CHM: variants seen among roughly 807,000 people sequenced by gnomAD.
CHM encodes rab proteins geranylgeranyltransferase component A 1.
Under a neutral mutation model 49.0 loss-of-function variants are expected in CHM, and 10 were observed. The observed-to-expected ratio is 0.20, with a 90% confidence interval of 0.13 to 0.35. The LOEUF is 0.35. Among genes scored for constraint, CHM ranks in the 10% least tolerant of loss-of-function variants. CHM has a pLI of 1.00. For synonymous variants in CHM, 184 were observed against 167.5 expected, an observed-to-expected ratio of 1.10 and a Z score of -0.76; for missense variants, 455 against 478.4, an observed-to-expected ratio of 0.95 and a Z score of 0.46.
At chrX:85,929,617 C>T (rs991917835) in intron 8 of CHM, among the ~76,000 whole-genome samples, 2 of 111,924 alleles carry the variant, frequency 1.8e-5, no homozygotes, top group Non-Finnish European at 3.8e-5. Context: ...TAAATGAATC[C>T]TAATTTTTAT....
intron 8 of CHM, among the ~76,000 whole-genome samples, chrX:85,916,519 C>T (rs896639761): frequency 3.6e-5 from 4 of 111,729 alleles, no homozygotes; most frequent in African/African-American, 1.3e-4. Flanking sequence ...AGCCAACCTA[C>T]AGAATGGGAG....
chrX:85,984,372 C>T (rs1931796514), intron 2 of CHM, among the ~76,000 whole-genome samples: 1 of 111,030 alleles, frequency 9.0e-6, no homozygotes, highest in Non-Finnish European at 1.9e-5. Flanking sequence ...TACGCAATAT[C>T]ATTAGGTAAG....
intron 2 of CHM, among the ~76,000 whole-genome samples, chrX:85,990,017 T>C (rs1482337556): frequency 8.9e-6 from 1 of 112,134 alleles, no homozygotes; most frequent in Non-Finnish European, 1.9e-5. Context: ...TAAATAATTC[T>C]ACCATAAAGA....
At chrX:86,009,635 A>G (rs1207622672) in intron 2 of CHM, among the ~76,000 whole-genome samples, 1 of 112,644 alleles carries the variant, frequency 8.9e-6, no homozygotes, top group Non-Finnish European at 1.9e-5. Flanking sequence ...AATGTATTCT[A>G]TTTAATTGAA....
Position 85,873,189 on chromosome X carries a change from T to C in CHM, c.1633A>G (p.Arg545Gly), listed in dbSNP as rs370399954. 64 of 1,189,638 alleles carry C rather than the reference T, an allele frequency of 5.4e-5. No homozygotes were observed. Among genetic ancestry groups the C allele is most frequent in the Non-Finnish European group, 7.2e-5 (63 of 880,142 alleles). Residue 545 changes from arginine (R) to glycine (G), a missense_variant, in exon 14 of 15, where the codon AGA (arginine) becomes GGA (glycine). Physicochemically the swap from Arg to Gly is moderately radical, Grantham distance 125 (BLOSUM62 -2). Coordinates refer to ENST00000357749, the MANE Select transcript of CHM (RefSeq NM_000390.4). ...EIENEQVEKP[R>G]ILWALYFNMR... is the part of the protein sequence containing the mutation. ...TTGAAGTAAAGAGCCCACAGAATTC[T>C]TGGCTTTTCTACTTGTTCATTTTCT...
intron 12 of CHM, among the ~76,000 whole-genome samples, chrX:85,881,647 A>G (rs1443910884): frequency 9.0e-6 from 1 of 111,550 alleles, no homozygotes; most frequent in East Asian, 2.8e-4. Flanking sequence ...ATGTGATTCT[A>G]ATAATCTCCT....
intron 11 of CHM, among the ~76,000 whole-genome samples, chrX:85,898,818 G>A (rs750176380): frequency 4.1e-4 from 46 of 112,359 alleles, no homozygotes; most frequent in African/African-American, 1.2e-3. Flanking sequence ...TCTCCAGACC[G>A]TAAGCTATTT....
At chrX:85,908,164 T>C (rs941566126) in intron 9 of CHM, among the ~76,000 whole-genome samples, 3 of 112,285 alleles carry the variant, frequency 2.7e-5, no homozygotes, top group Non-Finnish European at 5.6e-5. Flanking sequence ...AGTACCCTAA[T>C]TATACTTAGA....
intron 9 of CHM, among the ~76,000 whole-genome samples, chrX:85,901,819 C>T (rs1385669681): frequency 8.9e-6 from 1 of 111,858 alleles, no homozygotes; most frequent in East Asian, 2.8e-4. Flanking sequence ...AAGGAAAACA[C>T]TTATGCACGG....
At chrX:85,900,444 C>T (rs996177166) in intron 11 of CHM, among the ~76,000 whole-genome samples, 5 of 111,107 alleles carry the variant, frequency 4.5e-5, no homozygotes, top group Non-Finnish European at 7.6e-5. Flanking sequence ...ATGTACAGTA[C>T]AAGACTACAG....
chrX:86,042,666 A>T (rs755590193), intron 1 of CHM, among the ~76,000 whole-genome samples: 6 of 109,947 alleles, frequency 5.5e-5, no homozygotes, highest in South Asian at 7.9e-4. Flanking sequence ...AAAATAAAAA[A>T]AAAAAAATTA....
At chrX:86,021,783 C>A (rs866015280) in intron 2 of CHM, among the ~76,000 whole-genome samples, 20 of 111,762 alleles carry the variant, frequency 1.8e-4, no homozygotes, top group Non-Finnish European at 3.4e-4. Flanking sequence ...TATCTATCAA[C>A]AGATGAAGAG....
chrX:85,866,800 G>T (rs760853692), intron 14 of CHM, among the ~76,000 whole-genome samples: 46 of 113,342 alleles, frequency 4.1e-4, no homozygotes, highest in African/African-American at 1.4e-3. Flanking sequence ...TGACTGCCCG[G>T]CTGGGTTTTG....
intron 1 of CHM, among the ~76,000 whole-genome samples, chrX:86,037,553 T>C (rs953237253): frequency 3.6e-5 from 4 of 112,060 alleles, no homozygotes; most frequent in Admixed American, 2.8e-4. Flanking sequence ...ATAAGGAGAA[T>C]AGTTTCTGTG....
chrX:85,965,449 G>A (rs1930525119), intron 4 of CHM, among the ~76,000 whole-genome samples: 1 of 110,940 alleles, frequency 9.0e-6, no homozygotes, highest in Non-Finnish European at 1.9e-5. Context: ...GTAATTCCTT[G>A]AGGGAATACC....
intron 2 of CHM, among the ~76,000 whole-genome samples, chrX:86,018,579 T>G (rs1037680352): frequency 8.9e-6 from 1 of 112,208 alleles, no homozygotes; most frequent in Non-Finnish European, 1.9e-5. Flanking sequence ...CCAAAACAAC[T>G]ATATAAATGT....
At chrX:85,928,349 C>G (rs990888877) in intron 8 of CHM, among the ~76,000 whole-genome samples, 33 of 111,265 alleles carry the variant, frequency 3.0e-4, no homozygotes, top group African/African-American at 1.0e-3. Context: ...TTGAGACCAT[C>G]CTGGCCAACA....
chrX:86,016,058 G>A (rs1282405764), intron 2 of CHM, among the ~76,000 whole-genome samples: 2 of 110,737 alleles, frequency 1.8e-5, no homozygotes, highest in African/African-American at 6.6e-5. Context: ...ACTTGAACCC[G>A]AGAGGCAGAG....
rs1924591517 is a variant in CHM, at chrX:85,878,994, A to C, written c.1580T>G (p.Leu527Trp). The C allele has an allele frequency of 8.3e-7, 1 of 1,201,080 alleles. No homozygotes were observed. Residue 527 changes from leucine (L) to tryptophan (W), a missense_variant, in exon 13 of 15, where the codon TTG (leucine) becomes TGG (tryptophan). Physicochemically the swap from Leu to Trp is moderately conservative, Grantham distance 61. Transcript: ENST00000357749. The stretch of plus-strand genomic sequence containing the variant: ...CTCCATTTCAGTATATGGAACAAAC[A>C]ATTTCTGCACAACTGATTCTAAATC... ...REDLESVVQK[L>W]FVPYTEMEIE...
Sources: allele counts gnomAD v4.1 joint callset (sites outside exome capture counted in the v4.1 genomes callset), GRCh38; gene constraint gnomAD v4.1.1; transcripts MANE v1.5; gene names NCBI Gene and HGNC (gene_info 2026-07-23, HGNC 2026-07-21).